DGKB: variants seen among roughly 807,000 people sequenced by gnomAD.
DGKB encodes the protein diacylglycerol kinase beta.
DGKB carries 67 observed loss-of-function variants against 114.3 expected under a neutral mutation model. That is an observed-to-expected ratio of 0.59 (90% CI 0.48 to 0.72). The LOEUF is 0.72. DGKB is among the 30% of genes least tolerant of loss of function. The probability of loss-of-function intolerance (pLI) is 0.00; values close to 1 mark genes in which losing one functional copy is unlikely to be tolerated. For synonymous variants in DGKB, 398 were observed against 323.1 expected, an observed-to-expected ratio of 1.23 and a Z score of -2.49; for missense variants, 907 against 975.2, an observed-to-expected ratio of 0.93 and a Z score of 0.93.
chr7:14,171,339 A>G (rs1404441369), intron 25 of DGKB, among the ~76,000 whole-genome samples: 1 of 152,214 alleles, frequency 6.6e-6, no homozygotes, highest in Non-Finnish European at 1.5e-5. Flanking sequence ...GTTCTCTACC[A>G]CATGGAAGGA....
chr7:14,776,334 A>T (rs1380512953), intron 2 of DGKB, among the ~76,000 whole-genome samples: 1 of 152,238 alleles, frequency 6.6e-6, no homozygotes, highest in African/African-American at 2.4e-5. Flanking sequence ...ATAAGTAACA[A>T]GGAGCTGAAT....
chr7:14,203,051 C>T (rs369827389), intron 23 of DGKB, among the ~76,000 whole-genome samples: 5 of 146,300 alleles, frequency 3.4e-5, no homozygotes, highest in Admixed American at 7.0e-5. Flanking sequence ...TACAATTAAG[C>T]GATTCAGTCA....
intron 23 of DGKB, among the ~76,000 whole-genome samples, chr7:14,295,896 C>G (rs908098636): frequency 9.2e-5 from 14 of 151,946 alleles, no homozygotes; most frequent in African/African-American, 3.4e-4. Flanking sequence ...GTGATATTCC[C>G]CTCCCTGTGA....
rs534699807 is a variant in DGKB at position 14,702,359 on chromosome 7, G to C, written c.467-629C>G. On this transcript the variant is annotated intron_variant, in intron 6 of 25. Coordinates refer to ENST00000402815, the MANE Select transcript of DGKB (RefSeq NM_001350709.2). ...GCAAAATAACAGGTTCTTTCTGATGGAGGAAGCCAGCACAGAAAAACTGCA... is the reference window on the plus strand; with the variant it reads ...GCAAAATAACAGGTTCTTTCTGATGCAGGAAGCCAGCACAGAAAAACTGCA... 1.4e-4 allele frequency among the ~76,000 whole-genome samples: 21 copies of C among 152,270 alleles called. 1 individual carries two copies. In the South Asian group the frequency reaches 3.7e-3, roughly 27 times the overall value.
chr7:14,297,731 AG>A (rs1413285821), intron 23 of DGKB, among the ~76,000 whole-genome samples: 2 of 152,162 alleles, frequency 1.3e-5, no homozygotes, highest in Non-Finnish European at 1.5e-5. Context: ...GAAGAAATAA[AG>A]GGTATTCAGA....
At chr7:14,387,791 T>C (rs1820655193) in intron 21 of DGKB, among the ~76,000 whole-genome samples, 1 of 152,190 alleles carries the variant, frequency 6.6e-6, no homozygotes, top group South Asian at 2.1e-4. Flanking sequence ...TCAACATTTT[T>C]ATTATCTCAA....
intron 13 of DGKB, among the ~76,000 whole-genome samples, chr7:14,670,689 CTT>C (rs1209048035): frequency 6.6e-6 from 1 of 152,092 alleles, no homozygotes; most frequent in Non-Finnish European, 1.5e-5. Flanking sequence ...ACTTTGTACT[CTT>C]TGACCAACAT....
At chr7:14,667,199 G>A (rs1326138304) in intron 13 of DGKB, among the ~76,000 whole-genome samples, 1 of 151,942 alleles carries the variant, frequency 6.6e-6, no homozygotes, top group Non-Finnish European at 1.5e-5. Flanking sequence ...GGAGGAATGG[G>A]AAGGCTGAGA....
At chr7:14,421,305 T>C (rs1404251715) in intron 21 of DGKB, among the ~76,000 whole-genome samples, 1 of 152,112 alleles carries the variant, frequency 6.6e-6, no homozygotes, top group East Asian at 1.9e-4. Flanking sequence ...CAAATCCTTG[T>C]TCAATACATC....
chr7:14,945,777 GTTTA>G (rs1207105367), intron 1 of DGKB, among the ~76,000 whole-genome samples: 2 of 151,506 alleles, frequency 1.3e-5, no homozygotes, highest in African/African-American at 2.4e-5. Context: ...AGCAATTTAT[GTTTA>G]TTTATTGTAC....
intron 2 of DGKB, among the ~76,000 whole-genome samples, chr7:14,771,386 G>A (rs989953999): frequency 2.0e-5 from 3 of 151,974 alleles, no homozygotes; most frequent in East Asian, 1.9e-4. Context: ...GTTATTGGGC[G>A]GCAAGAATAA....
intron 23 of DGKB, among the ~76,000 whole-genome samples, chr7:14,260,350 G>A (rs1170585268): frequency 1.3e-5 from 2 of 152,118 alleles, no homozygotes; most frequent in Non-Finnish European, 2.9e-5. Flanking sequence ...GATTTTCCCA[G>A]GTGAAGAGTT....
At chr7:14,539,905 A>G (rs929925186) in intron 20 of DGKB, among the ~76,000 whole-genome samples, 5 of 151,990 alleles carry the variant, frequency 3.3e-5, no homozygotes, top group Non-Finnish European at 5.9e-5. Context: ...TACCTTTTTT[A>G]TTCTCTATAA....
chr7:14,516,257 A>G (rs1788776612), intron 20 of DGKB, among the ~76,000 whole-genome samples: 1 of 152,212 alleles, frequency 6.6e-6, no homozygotes, highest in African/African-American at 2.4e-5. Flanking sequence ...ACAAAAAAGT[A>G]AACTTTAAAG....
upstream of DGKB, among the ~76,000 whole-genome samples, chr7:14,904,614 G>A (rs1354684242): frequency 6.6e-6 from 1 of 152,106 alleles, no homozygotes; most frequent in African/African-American, 2.4e-5. Context: ...GCCAAAGCCA[G>A]CCTAACTTCA....
chr7:14,466,678 C>G (rs1780521153), intron 21 of DGKB, among the ~76,000 whole-genome samples: 1 of 150,644 alleles, frequency 6.6e-6, no homozygotes, highest in Non-Finnish European at 1.5e-5. Context: ...ATTAGCTGGG[C>G]ATGGTGGTGC....
chr7:14,713,099 G>T (rs1009228734), intron 6 of DGKB, among the ~76,000 whole-genome samples: 1 of 151,928 alleles, frequency 6.6e-6, no homozygotes, highest in African/African-American at 2.4e-5. Context: ...ACTTTATATA[G>T]AAACAATTAT....
At chr7:14,409,054 G>A (rs190274927) in intron 21 of DGKB, among the ~76,000 whole-genome samples, 83 of 152,254 alleles carry the variant, frequency 5.5e-4, no homozygotes, top group African/African-American at 1.9e-3. Context: ...ATTTGCAGCT[G>A]AGAGAAATGT....
chr7:14,279,394 C>G (rs1799541334), intron 23 of DGKB, among the ~76,000 whole-genome samples: 2 of 152,136 alleles, frequency 1.3e-5, no homozygotes, highest in Non-Finnish European at 2.9e-5. Context: ...CTCAAGGAGG[C>G]CTGCCTGCCT....
Sources: gnomAD v4.1 joint callset for allele counts (sites outside exome capture counted in the v4.1 genomes callset) on GRCh38, gnomAD v4.1.1 for gene constraint, MANE v1.5 for transcripts, NCBI Gene and HGNC (gene_info 2026-07-23, HGNC 2026-07-21) for gene names.